RIGI: variants seen among roughly 807,000 people sequenced by gnomAD.
RIGI encodes the protein antiviral innate immune response receptor RIG-I.
At chr9:32,498,163 G>A in the RIGI span, 5 of 404,512 alleles carry the variant, frequency 1.2e-5, no homozygotes, top group East Asian at 7.2e-5. Flanking sequence ...CACAGAGTGG[G>A]TCTGGCCAGT....
At chr9:32,465,330 T>A in the RIGI span, among the ~76,000 whole-genome samples, 2 of 152,206 alleles carry the variant, frequency 1.3e-5, no homozygotes, top group Admixed American at 1.3e-4. Flanking sequence ...TAAGTGTTAA[T>A]CTGCTTTAGA....
At chr9:32,489,422 A>C in the RIGI span, 2 of 1,613,436 alleles carry the variant, frequency 1.2e-6, no homozygotes, top group Non-Finnish European at 1.7e-6. Context: ...CTTGGTTTAA[A>C]TGGGCTGTAC....
chr9:32,461,061 G>C, the RIGI span, among the ~76,000 whole-genome samples: 3 of 142,710 alleles, frequency 2.1e-5, no homozygotes, highest in African/African-American at 7.7e-5. Context: ...AAAAAAAAAT[G>C]ACACCTTACC....
the RIGI span, chr9:32,493,789 A>C: frequency 3.1e-6 from 5 of 1,590,136 alleles, no homozygotes; most frequent in Non-Finnish European, 4.3e-6. Flanking sequence ...TTCCTGATTA[A>C]TTAAACATTC....
At chr9:32,465,243 C>T in the RIGI span, among the ~76,000 whole-genome samples, 1 of 152,178 alleles carries the variant, frequency 6.6e-6, no homozygotes, top group African/African-American at 2.4e-5. Context: ...TTCTAGATAA[C>T]TTAATCTCCC....
the RIGI span, chr9:32,491,528 A>G: frequency 1.3e-5 from 11 of 836,356 alleles, no homozygotes; most frequent in South Asian, 1.6e-4. Flanking sequence ...ACTTCTATTA[A>G]AATTTCTCAC....
the RIGI span, chr9:32,456,873 AAAG>A: frequency 1.2e-5 from 5 of 432,168 alleles, no homozygotes; most frequent in African/African-American, 2.0e-5. Flanking sequence ...TTGACTCTAA[AAAG>A]AAGGCTAGAA....
the RIGI span, among the ~76,000 whole-genome samples, chr9:32,507,954 C>G: frequency 0.033 from 5,030 of 152,152 alleles, 270 homozygotes; most frequent in African/African-American, 0.11. Context: ...AACTAGTTTT[C>G]CTTGTGTTAT....
the RIGI span, among the ~76,000 whole-genome samples, chr9:32,474,270 G>A: frequency 1.3e-5 from 2 of 149,552 alleles, no homozygotes; most frequent in Admixed American, 1.3e-4. Context: ...TTAATACCTA[G>A]GTATAAGTCT....
the RIGI span, among the ~76,000 whole-genome samples, chr9:32,476,413 G>A: frequency 3.3e-5 from 5 of 152,098 alleles, no homozygotes; most frequent in African/African-American, 9.7e-5. Context: ...GATGAGGTGG[G>A]AGAATCGCTT....
the RIGI span, chr9:32,491,203 C>G: frequency 7.1e-7 from 1 of 1,408,446 alleles, no homozygotes; most frequent in Non-Finnish European, 9.6e-7. Flanking sequence ...CCTTACAAAA[C>G]TTTTCACAAG....
At chr9:32,506,917 A>C in the RIGI span, among the ~76,000 whole-genome samples, 5 of 152,244 alleles carry the variant, frequency 3.3e-5, no homozygotes, top group Non-Finnish European at 7.3e-5. Flanking sequence ...TCTGATTAAA[A>C]GCTTATTACA....
chr9:32,495,476 C>T, the RIGI span, among the ~76,000 whole-genome samples: 1 of 151,988 alleles, frequency 6.6e-6, no homozygotes, highest in African/African-American at 2.4e-5. Context: ...GCTGGGATTA[C>T]AGGCATGAGC....
At chr9:32,521,207 C>T in the RIGI span, among the ~76,000 whole-genome samples, 149,082 of 149,376 alleles carry the variant, frequency 1, 74,395 homozygotes, top group Middle Eastern at 1. Context: ...TAAAATTCGG[C>T]TTATAAGGTT....
the RIGI span, among the ~76,000 whole-genome samples, chr9:32,504,429 G>A: frequency 6.6e-6 from 1 of 151,922 alleles, no homozygotes; most frequent in Non-Finnish European, 1.5e-5. Context: ...TGTAATCCCA[G>A]CACTTTGGGA....
At chr9:32,489,006 A>G in the RIGI span, 1 of 829,036 alleles carries the variant, frequency 1.2e-6, no homozygotes, top group African/African-American at 1.8e-5. Flanking sequence ...TGATAATTTA[A>G]ATATGTTAAT....
the RIGI span, among the ~76,000 whole-genome samples, chr9:32,522,971 T>G: frequency 6.6e-6 from 1 of 152,178 alleles, no homozygotes; most frequent in Non-Finnish European, 1.5e-5. Flanking sequence ...TCAAAAGGTA[T>G]AAAAGAACTG....
chr9:32,520,297 G>A, the RIGI span, among the ~76,000 whole-genome samples: 1 of 152,076 alleles, frequency 6.6e-6, no homozygotes, highest in Non-Finnish European at 1.5e-5. Context: ...ATGGGTTGAA[G>A]TGTTTCAGAC....
the RIGI span, among the ~76,000 whole-genome samples, chr9:32,481,031 T>C: frequency 1.3e-5 from 2 of 152,212 alleles, no homozygotes; most frequent in Non-Finnish European, 2.9e-5. Flanking sequence ...TGGACTGGTC[T>C]TGTATCTGGA....
Sources: allele counts gnomAD v4.1 joint callset (sites outside exome capture counted in the v4.1 genomes callset), GRCh38; gene constraint gnomAD v4.1.1; transcripts MANE v1.5; gene names NCBI Gene and HGNC (gene_info 2026-07-23, HGNC 2026-07-21).